The following SMYD3 variants were observed in gnomAD, a reference collection of about 807,000 sequenced individuals.
SMYD3 encodes the protein histone-lysine N-methyltransferase SMYD3.
Under a neutral mutation model 57.7 loss-of-function variants are expected in SMYD3, and 36 were observed. The observed-to-expected ratio is 0.62, with a 90% CI of 0.48 to 0.82. The LOEUF (loss-of-function observed/expected upper bound fraction) is 0.82. SMYD3 is among the 40% of genes least tolerant of loss of function. SMYD3 has a pLI of 0.00. For synonymous variants in SMYD3, 211 were observed against 195.0 expected, an observed-to-expected ratio of 1.08 and a Z score of -0.68; for missense variants, 515 against 538.8, an observed-to-expected ratio of 0.96 and a Z score of 0.44.
chr1:245,933,748 T>G (rs1416069), intron 5 of SMYD3, among the ~76,000 whole-genome samples: 1 of 152,260 alleles, frequency 6.6e-6, no homozygotes, highest in African/African-American at 2.4e-5. Context: ...TCAAATTTCA[T>G]ATTTTTCCTG....
intron 5 of SMYD3, among the ~76,000 whole-genome samples, chr1:246,014,513 C>A (rs925921352): frequency 6.6e-6 from 1 of 152,060 alleles, no homozygotes; most frequent in South Asian, 2.1e-4. Context: ...GACTTAGTAG[C>A]GTGGTTAATC....
intron 5 of SMYD3, among the ~76,000 whole-genome samples, chr1:246,199,708 A>G (rs2062879851): frequency 1.3e-5 from 2 of 152,220 alleles, no homozygotes; most frequent in African/African-American, 4.8e-5. Flanking sequence ...TTGATTGACA[A>G]TGACACCAAG....
chr1:246,324,170 G>A (rs2065297878), intron 5 of SMYD3, among the ~76,000 whole-genome samples: 1 of 152,052 alleles, frequency 6.6e-6, no homozygotes, highest in Non-Finnish European at 1.5e-5. Flanking sequence ...ATCCCAGCAC[G>A]TTGGGAGGCC....
At chr1:245,902,838 A>G (rs1259629388) in intron 8 of SMYD3, among the ~76,000 whole-genome samples, 2 of 152,252 alleles carry the variant, frequency 1.3e-5, no homozygotes, top group Non-Finnish European at 2.9e-5. Context: ...CTGTAAATAT[A>G]TCTACATGAA....
chr1:246,246,462 G>T (rs2063706349), intron 5 of SMYD3, among the ~76,000 whole-genome samples: 1 of 152,078 alleles, frequency 6.6e-6, no homozygotes, highest in South Asian at 2.1e-4. Context: ...CAAGTAATAT[G>T]ATTTCTAAAA....
chr1:246,408,102 G>A (rs1011403977), intron 1 of SMYD3, among the ~76,000 whole-genome samples: 2 of 151,758 alleles, frequency 1.3e-5, no homozygotes. Context: ...CTGCCTTCCT[G>A]AGCTAATTAC....
At chr1:246,504,355 G>C (rs1225229411) in intron 1 of SMYD3, among the ~76,000 whole-genome samples, 2 of 152,180 alleles carry the variant, frequency 1.3e-5, no homozygotes, top group African/African-American at 4.8e-5. Context: ...TAGGCTAGCA[G>C]GTATTGTCTG....
intron 10 of SMYD3, among the ~76,000 whole-genome samples, chr1:245,849,202 G>C (rs1489502727): frequency 6.6e-6 from 1 of 152,198 alleles, no homozygotes; most frequent in South Asian, 2.1e-4. Flanking sequence ...TTTCCCAGTA[G>C]ACTACTGCTA....
intron 1 of SMYD3, among the ~76,000 whole-genome samples, chr1:246,433,440 C>A (rs1444148071): frequency 6.6e-6 from 1 of 152,134 alleles, no homozygotes; most frequent in Non-Finnish European, 1.5e-5. Context: ...GTGGGAGGAT[C>A]ACTTGAGGTC....
At chr1:245,867,111 G>A (rs2051898572) in intron 8 of SMYD3, among the ~76,000 whole-genome samples, 1 of 152,208 alleles carries the variant, frequency 6.6e-6, no homozygotes, top group African/African-American at 2.4e-5. Flanking sequence ...CCTTAAAATA[G>A]CTGAGAGTAT....
intron 1 of SMYD3, among the ~76,000 whole-genome samples, chr1:246,365,522 G>T (rs1345959660): frequency 2.1e-5 from 3 of 145,160 alleles, no homozygotes; most frequent in African/African-American, 7.6e-5. Context: ...AAAAAATTAG[G>T]AATATAAGAA....
At chr1:246,140,239 G>A (rs145916858) in intron 5 of SMYD3, among the ~76,000 whole-genome samples, 7 of 152,234 alleles carry the variant, frequency 4.6e-5, no homozygotes, top group East Asian at 1.9e-4. Context: ...AGGACCTTTC[G>A]CTTCAAATTC....
At chr1:246,049,534 T>C (rs1023914880) in intron 5 of SMYD3, among the ~76,000 whole-genome samples, 4 of 151,844 alleles carry the variant, frequency 2.6e-5, no homozygotes, top group Non-Finnish European at 4.4e-5. Flanking sequence ...CTCGATCTCC[T>C]GACCTCGTGA....
chr1:246,439,432 C>A (rs11581650), intron 1 of SMYD3, among the ~76,000 whole-genome samples: 140,577 of 152,220 alleles, frequency 0.92, 65,464 homozygotes, highest in Non-Finnish European at 0.98. Context: ...CCCAGGAGGC[C>A]AATGACATGG....
chr1:245,775,487 C>T (rs1002968908), intron 10 of SMYD3, among the ~76,000 whole-genome samples: 1 of 150,820 alleles, frequency 6.6e-6, no homozygotes, highest in African/African-American at 2.5e-5. Context: ...GCAAGATGTG[C>T]TTTGTTAAAC....
At chr1:246,370,476 A>G (rs1479593511) in intron 1 of SMYD3, among the ~76,000 whole-genome samples, 2 of 152,228 alleles carry the variant, frequency 1.3e-5, no homozygotes, top group Non-Finnish European at 2.9e-5. Context: ...AAAACCTGCA[A>G]TACTTACTAG....
At chr1:245,762,204 C>T (rs1263621212) in intron 11 of SMYD3, among the ~76,000 whole-genome samples, 1 of 152,192 alleles carries the variant, frequency 6.6e-6, no homozygotes, top group African/African-American at 2.4e-5. Context: ...CAAACCTGAG[C>T]GCCTTCACTT....
chr1:245,834,204 C>A (rs552751461), intron 10 of SMYD3, among the ~76,000 whole-genome samples: 2 of 152,260 alleles, frequency 1.3e-5, no homozygotes, highest in African/African-American at 4.8e-5. Flanking sequence ...CTCTTCAGAG[C>A]CTCTGACATC....
intron 1 of SMYD3, among the ~76,000 whole-genome samples, chr1:246,385,524 A>G (rs1349426426): frequency 1.1e-4 from 16 of 152,110 alleles, no homozygotes; most frequent in Admixed American, 1.0e-3. Flanking sequence ...TCATATTCCT[A>G]GGAGAGAAAG....
Sources: allele counts gnomAD v4.1 joint callset (sites outside exome capture counted in the v4.1 genomes callset), GRCh38; gene constraint gnomAD v4.1.1; transcripts MANE v1.5; gene names NCBI Gene and HGNC (gene_info 2026-07-23, HGNC 2026-07-21).